Variants in SEC16A observed in about 807,000 individuals in gnomAD.
SEC16A encodes SEC16 homolog A, endoplasmic reticulum export factor.
A neutral mutation model predicts 221.9 loss-of-function variants in SEC16A; 110 were observed. The observed-to-expected ratio is 0.50, with a 90% CI of 0.42 to 0.58. SEC16A has a LOEUF of 0.58. Ranked by LOEUF, SEC16A falls within the 20% of genes least tolerant of loss-of-function variation. The pLI, the probability that SEC16A is intolerant of heterozygous loss-of-function variation, is 0.00. For synonymous variants in SEC16A, 1,393 were observed against 1,257.7 expected, an observed-to-expected ratio of 1.11 and a Z score of -2.28; for missense variants, 3,165 against 3,097.8, an observed-to-expected ratio of 1.02 and a Z score of -0.52.
Position 136,475,516 on chromosome 9 carries a change from C to G in SEC16A, c.2100G>C (p.Val700=), listed in dbSNP as rs752448121. The change falls in exon 3 of 32, where the codon GTG becomes GTC. Residue 700 remains valine (V), a synonymous_variant. Coordinates refer to ENST00000684901, the MANE Select transcript of SEC16A (RefSeq NM_014866.2). The surrounding 1 kb of genome is among the most constrained non-coding windows in gnomAD (Gnocchi z 5.0). ...AAGGCCTCTTCTCGGGTGCTGGATA[C>G]ACAGTATCCAAGGGCGGTGCCCCTG... ...PHAGAPPLDT[V]YPAPEKRPSA... is the part of the protein sequence containing the mutation. 5.0e-6 allele frequency: 8 copies of G among 1,612,512 alleles called. No individual in the cohort carries two copies. Among genetic ancestry groups the G allele is most frequent in the Non-Finnish European group, 6.8e-6 (8 of 1,179,046 alleles).
Position 136,466,986 on chromosome 9 carries a change from G to A in SEC16A, c.3900C>T (p.Tyr1300=), listed in dbSNP as rs762269855. 9 of 1,613,704 alleles carry A rather than the reference G, an allele frequency of 5.6e-6. No homozygotes were observed. The highest frequency in any genetic ancestry group is 3.3e-5 in the South Asian group (3 of 91,036). The change falls in exon 6 of 32, where the codon TAC becomes TAT. Residue 1300 remains tyrosine, a synonymous_variant. Transcript: ENST00000684901. The surrounding 1 kb of genome is among the most constrained non-coding windows in gnomAD (Gnocchi z 5.5). ...CCCCGAAGGCAGAGTGCTCTCTCCTGTATGCGTCATACTCTGCATCACACC... is the reference window on the plus strand; with the variant it reads ...CCCCGAAGGCAGAGTGCTCTCTCCTATATGCGTCATACTCTGCATCACACC... ...RYWCDAEYDA[Y]RREHSAFGDR...
rs552882146 is a variant in SEC16A, at chr9:136,464,118, A to T, written c.4446+302T>A. Among the ~76,000 whole-genome samples the T allele has an allele frequency of 4.7e-5, 5 of 106,376 alleles. No homozygotes were observed. In the East Asian group the frequency reaches 1.5e-3, roughly 32 times the overall value. The allele number at this position is 106,376 out of a possible 152,430, so 69.8% of individuals were successfully genotyped here. On this transcript the variant is annotated intron_variant, in intron 9 of 31. Transcript: ENST00000684901. ...CACCTGGGCAGCACCGGGCCCACCC[A>T]CTGCATCTATCATTGAAAAGCACCA...
intron 20 of SEC16A, among the ~76,000 whole-genome samples, chr9:136,454,777 G>A (rs1312639673): frequency 6.6e-6 from 1 of 152,256 alleles, no homozygotes; most frequent in Non-Finnish European, 1.5e-5. Context: ...CAAAAGAAAT[G>A]CTGGGTCCTC....
chr9:136,467,397 G>A (rs901326955), intron 5 of SEC16A, among the ~76,000 whole-genome samples: 1 of 152,118 alleles, frequency 6.6e-6, no homozygotes, highest in Admixed American at 6.5e-5. Context: ...CAGAGATGGG[G>A]TCTTACTATG....
chr9:136,476,404 G>A lies in SEC16A; in HGVS notation c.1212C>T (p.Cys404=). 3 of 1,612,952 alleles carry A rather than the reference G, an allele frequency of 1.9e-6. No individual in the cohort carries two copies. Among genetic ancestry groups the A allele is most frequent in the Non-Finnish European group, 2.5e-6 (3 of 1,179,874 alleles). Residue 404 remains cysteine (C), a synonymous_variant, in exon 3 of 32, where the codon TGC becomes TGT. Transcript: ENST00000684901. ...GCGGACGGCCTAGCCCAGGGCTGGA[G>A]CAGAAATCGTCAAAGTCCGCTTGAC... ...LSGQADFDDF[C]SSPGLGRPPA... is the part of the protein sequence containing the mutation.
At position 136,475,830 on chromosome 9, in the gene SEC16A, G is replaced by A; in HGVS notation, c.1786C>T (p.Pro596Ser). 2 of 1,583,086 alleles carry A rather than the reference G, an allele frequency of 1.3e-6. No individual in the cohort carries two copies. Among genetic ancestry groups the A allele is most frequent in the African/African-American group, 1.3e-5 (1 of 74,374 alleles). The change falls in exon 3 of 32, where the codon CCC (proline) becomes TCC (serine). Residue 596 changes from proline (P) to serine (S), a missense_variant. Physicochemically the swap from Pro to Ser is moderately conservative, Grantham distance 74. Transcript: ENST00000684901. The surrounding 1 kb of genome is among the most constrained non-coding windows in gnomAD (Gnocchi z 5.0). The stretch of plus-strand genomic sequence containing the variant: ...TGAAATATTCCTGTAGGTTTCGGGG[G>A]GCTCGGGGTTGAGGGCTGGGACACG... ...GSVSQPSTPS[P>S]PKPTGIFQTS...
intron 23 of SEC16A, among the ~76,000 whole-genome samples, chr9:136,449,959 T>C (rs1272568488): frequency 2.6e-5 from 4 of 152,194 alleles, no homozygotes; most frequent in Admixed American, 2.6e-4. Flanking sequence ...ATCCCAGTAC[T>C]TTGGGAGGCC....
chr9:136,466,195 G>A lies in SEC16A; in HGVS notation c.4129-59C>T, dbSNP rs1449995865. On this transcript the variant is annotated intron_variant, in intron 7 of 31. Coordinates refer to ENST00000684901, the MANE Select transcript of SEC16A (RefSeq NM_014866.2). The surrounding 1 kb of genome is among the most constrained non-coding windows in gnomAD (Gnocchi z 5.5). The stretch of plus-strand genomic sequence containing the variant: ...CCCCAGGCACAGCAGTAAAACTTTA[G>A]GTACATTGCAAACAGGATGGTGGTT... 1 of 1,568,372 alleles carries A rather than the reference G, an allele frequency of 6.4e-7. No homozygotes were observed. The highest frequency in any genetic ancestry group is 1.4e-5 in the African/African-American group (1 of 73,932).
Position 136,443,836 on chromosome 9 carries a change from G to A in SEC16A, c.6992C>T (p.Ala2331Val), listed in dbSNP as rs1341764655. Residue 2331 changes from alanine to valine, a missense_variant, in exon 31 of 32, where the codon GCT (alanine) becomes GTT (valine). Ala to Val is a moderately conservative substitution (Grantham distance 64, BLOSUM62 0). Coordinates refer to ENST00000684901, the MANE Select transcript of SEC16A (RefSeq NM_014866.2). ...PSGAMPFYNP[A>V]QLAQACATSG... is the part of the protein sequence containing the mutation. ...GGAGTCACTCACCTGTGCCAGCTGA[G>A]CAGGGTTGTAGAAGGGCATGGCCCC... 1.2e-6 allele frequency: 2 copies of A among 1,612,458 alleles called. No individual in the cohort carries two copies. The highest frequency in any genetic ancestry group is 8.5e-7 in the Non-Finnish European group (1 of 1,179,244).
rs767839631 is a variant in SEC16A, at chr9:136,477,529, G to C, written c.87C>G (p.Ser29Arg). Residue 29 changes from serine to arginine, a missense_variant, in exon 3 of 32, where the codon AGC becomes AGG. Coordinates refer to ENST00000684901, the MANE Select transcript of SEC16A (RefSeq NM_014866.2). ...TATTATTAGCCCGTCTCCTGTAAGG[G>C]CTGCTAGCCCAGAACACGCTCCGAG... The part of the protein sequence containing the change: ...GNPRSVFWAS[S>R]PYRRRANNNA... 35 of 1,613,616 alleles carry C rather than the reference G, an allele frequency of 2.2e-5. No homozygotes were observed. In the Admixed American group the frequency reaches 5.8e-4, roughly 27 times the overall value.
At chr9:136,462,089 G>A (rs1429851804) in intron 12 of SEC16A, among the ~76,000 whole-genome samples, 1 of 152,012 alleles carries the variant, frequency 6.6e-6, no homozygotes, top group Non-Finnish European at 1.5e-5. Context: ...GCCTGGGCAA[G>A]AGTGAGACCC....
chr9:136,468,274 G>A, intron 5 of SEC16A, 141 bp downstream of exon 5: 1 of 487,818 alleles, frequency 2.0e-6, no homozygotes, highest in Non-Finnish European at 3.7e-6. Flanking sequence ...TTGGCTTTTG[G>A]GCAAAAACAT....
intron 20 of SEC16A, 27 bp from the exon 21 acceptor site, chr9:136,454,354 C>A: frequency 6.5e-7 from 1 of 1,549,170 alleles, no homozygotes; most frequent in South Asian, 1.2e-5. Context: ...GAGAAGAGGT[C>A]TGGGGTTACT....
chr9:136,455,959 C>T, intron 19 of SEC16A, 94 bp downstream of exon 19: 2 of 1,250,456 alleles, frequency 1.6e-6, no homozygotes, highest in South Asian at 1.4e-5. Context: ...TGCAGTTACA[C>T]TGTCTTTACA....
At chr9:136,472,224 A>G in intron 3 of SEC16A, 113 bp from the exon 4 acceptor site, 1 of 1,260,964 alleles carries the variant, frequency 7.9e-7, no homozygotes, top group Non-Finnish European at 1.1e-6. Flanking sequence ...ATACCTACCA[A>G]GAGCAAGCTC....
At chr9:136,483,405 C>G, upstream of SEC16A, 1 of 741,526 alleles carries the variant, frequency 1.3e-6, no homozygotes, top group Non-Finnish European at 1.6e-6. Flanking sequence ...CGTCGTCCGT[C>G]TTTCTCCGCC....
rs182343419 is a variant in SEC16A at position 136,466,396 on chromosome 9, G to A, written c.3996C>T (p.Pro1332=). The part of the protein sequence containing the change: ...PRFTGSFDDD[P]DPHRDPYGEE... ...CCCCATAAGGGTCTCTGTGCGGATC[G>A]GGGTCATCGTCAAAACTCCCCGTGA... Residue 1332 remains proline (P), a synonymous_variant, in exon 7 of 32, where the codon CCC becomes CCT. Transcript: ENST00000684901. The surrounding 1 kb of genome is among the most constrained non-coding windows in gnomAD (Gnocchi z 5.5). 68 of 1,604,748 alleles carry A rather than the reference G, an allele frequency of 4.2e-5. No homozygotes were observed. The highest frequency in any genetic ancestry group is 7.8e-5 in the South Asian group (7 of 89,644).
chr9:136,462,535 T>C (rs57994353), intron 12 of SEC16A, among the ~76,000 whole-genome samples: 38,656 of 152,138 alleles, frequency 0.25, 5,107 homozygotes, highest in Non-Finnish European at 0.3. Context: ...TGGACTCGAG[T>C]CTGACTTTGT....
rs190024458 is a variant in SEC16A at position 136,459,710 on chromosome 9, G to A, written c.5191+47C>T. 1,477 of 1,495,676 alleles carry A rather than the reference G, an allele frequency of 9.9e-4. 1 individual carries two copies. Among genetic ancestry groups the A allele is most frequent in the East Asian group, 4.6e-3 (188 of 41,288 alleles). The allele number at this position is 1,495,676 out of a possible 1,614,324, so 92.7% of individuals were successfully genotyped here. ...CAACGCCACAGACAACCGGGCCTTC[G>A]GCGCTCCATCCGCGACACCCAATGC... On this transcript the variant is annotated intron_variant, in intron 15 of 31. Coordinates refer to ENST00000684901, the MANE Select transcript of SEC16A (RefSeq NM_014866.2). The surrounding 1 kb of genome is among the most constrained non-coding windows in gnomAD (Gnocchi z 6.1).
Sources: allele counts gnomAD v4.1 joint callset (sites outside exome capture counted in the v4.1 genomes callset), GRCh38; gene constraint gnomAD v4.1.1; non-coding constraint Gnocchi (gnomAD v3.1); transcripts MANE v1.5; gene names NCBI Gene and HGNC (gene_info 2026-07-23, HGNC 2026-07-21).